Variants in CRYZL1 observed in about 807,000 individuals in gnomAD.
The protein encoded by CRYZL1 is crystallin zeta like 1.
In CRYZL1, 34 loss-of-function variants were observed where a neutral mutation model predicts 50.6. The ratio of observed to expected loss-of-function variants is 0.67; its 90% CI spans 0.51 to 0.89. The LOEUF (loss-of-function observed/expected upper bound fraction) is 0.89. Among genes scored for constraint, CRYZL1 ranks in the 40% least tolerant of loss-of-function variants. The pLI is 0.00. For synonymous variants in CRYZL1, 125 were observed against 134.3 expected, an observed-to-expected ratio of 0.93 and a Z score of 0.48; for missense variants, 354 against 402.3, an observed-to-expected ratio of 0.88 and a Z score of 1.03.
intron 5 of CRYZL1, among the ~76,000 whole-genome samples, chr21:33,614,859 T>C (rs1335685125): frequency 6.6e-6 from 1 of 151,944 alleles, no homozygotes; most frequent in Non-Finnish European, 1.5e-5. Flanking sequence ...TGTGAGCCAC[T>C]ACACCCAGCC....
At chr21:33,628,137 G>C (rs185020145) in intron 2 of CRYZL1, among the ~76,000 whole-genome samples, 87 of 152,260 alleles carry the variant, frequency 5.7e-4, no homozygotes, top group Non-Finnish European at 2.2e-4. Flanking sequence ...CAACATGTAA[G>C]ACTATTAAGT....
At chr21:33,608,193 G>A (rs899600938) in intron 6 of CRYZL1, among the ~76,000 whole-genome samples, 3 of 152,112 alleles carry the variant, frequency 2.0e-5, no homozygotes, top group Non-Finnish European at 4.4e-5. Context: ...GGTGGCTCAC[G>A]CCTATAATCC....
intron 2 of CRYZL1, among the ~76,000 whole-genome samples, chr21:33,625,139 T>A (rs1290503104): frequency 6.6e-6 from 1 of 151,956 alleles, no homozygotes; most frequent in Non-Finnish European, 1.5e-5. Context: ...CATATACACA[T>A]AACGTATAAC....
rs754205828 is a variant in CRYZL1 at position 33,613,616 on chromosome 21, A to G, written c.263-10T>C. On this transcript the variant is annotated splice_polypyrimidine_tract_variant and intron_variant, in intron 5 of 12. Transcript: ENST00000381554. ...TCCAGGGGCAAAATTCCTAAAAATC[A>G]AAACAAGAAATTAAAGGGATGTAAG... 4 of 1,602,546 alleles carry G rather than the reference A, an allele frequency of 2.5e-6. No individual in the cohort carries two copies. The African/African-American group carries it at 4.0e-5, about 16-fold the overall frequency.
intron 8 of CRYZL1, among the ~76,000 whole-genome samples, chr21:33,600,850 A>G (rs1397090792): frequency 1.4e-5 from 2 of 147,876 alleles, no homozygotes; most frequent in African/African-American, 5.0e-5. Flanking sequence ...TATGGTCTCC[A>G]TCTCTGGACC....
chr21:33,640,139 T>C, intron 1 of CRYZL1: 2 of 1,547,176 alleles, frequency 1.3e-6, no homozygotes, highest in Non-Finnish European at 8.7e-7. Flanking sequence ...ATGTGTATTT[T>C]TGCTCTTCTG....
chr21:33,595,797 C>A lies in CRYZL1; in HGVS notation c.838G>T (p.Ala280Ser). ...PDSHCLFLKG[A>S]TLAFLNDEVW... Reference sequence around the variant, plus strand: ...TCATCATTCAGGAAAGCTAACGTTGCTCCCTTGAGGAAAAGGCAGTGGCTA... The same window carrying A: ...TCATCATTCAGGAAAGCTAACGTTGATCCCTTGAGGAAAAGGCAGTGGCTA... The change falls in exon 11 of 13, where the codon GCA becomes TCA. Residue 280 changes from alanine to serine, a missense_variant. Ala to Ser is a moderately conservative substitution (Grantham distance 99). Transcript: ENST00000381554. 1 of 1,614,084 alleles carries A rather than the reference C, an allele frequency of 6.2e-7. No homozygotes were observed. Among genetic ancestry groups the A allele is most frequent in the Non-Finnish European group, 8.5e-7 (1 of 1,179,950 alleles).
chr21:33,617,439 G>A (rs2086946489), intron 4 of CRYZL1, among the ~76,000 whole-genome samples: 1 of 152,080 alleles, frequency 6.6e-6, no homozygotes, highest in South Asian at 2.1e-4. Flanking sequence ...TTTTGTTGCA[G>A]AATCTCATAC....
At chr21:33,616,507 G>T in intron 5 of CRYZL1, 199 bp downstream of exon 5, 1 of 939,862 alleles carries the variant, frequency 1.1e-6, no homozygotes, top group Non-Finnish European at 1.5e-6. Context: ...GGTCAGGCTG[G>T]TCTCGAACTC....
Position 33,591,215 on chromosome 21 carries a change from G to A in CRYZL1, c.905-8C>T. The A allele has an allele frequency of 1.9e-6, 3 of 1,607,962 alleles. No individual in the cohort carries two copies. The highest frequency in any genetic ancestry group is 2.6e-6 in the Non-Finnish European group (3 of 1,174,496). On this transcript the variant is annotated splice_polypyrimidine_tract_variant and splice_region_variant and intron_variant, in intron 11 of 12. Transcript: ENST00000381554. ...TCACATCCTTTAAGATACGTAGCTG[G>A]AAGGATTGTTAAGGTGGCAATGTAA...
chr21:33,633,445 A>C (rs2087164200), intron 1 of CRYZL1, among the ~76,000 whole-genome samples: 1 of 151,644 alleles, frequency 6.6e-6, no homozygotes, highest in Non-Finnish European at 1.5e-5. Flanking sequence ...TTTTTGCAAC[A>C]GAGTCTTGCT....
At chr21:33,595,310 G>T in intron 11 of CRYZL1, 1 of 1,074,460 alleles carries the variant, frequency 9.3e-7, no homozygotes, top group Non-Finnish European at 1.2e-6. Context: ...AAAGTATTCT[G>T]AAATGTTTCT....
In CRYZL1 at chr21:33,613,444, C is replaced by T. The variant is rs1025132961; in HGVS notation, c.331+94G>A. The T allele has an allele frequency of 3.5e-6, 3 of 857,536 alleles. No individual in the cohort carries two copies. In the Admixed American group the frequency reaches 6.5e-5, roughly 19 times the overall value. The allele number at this position is 857,536 out of a possible 1,614,324, so 53.1% of individuals were successfully genotyped here. On this transcript the variant is annotated intron_variant, in intron 6 of 12. Transcript: ENST00000381554. ...TAATGATACTTTATTAAGTACAACA[C>T]TTATGGTAGATTCAAAAAAATTAAA...
rs1601321763 is a variant in CRYZL1 at position 33,589,998 on chromosome 21, C to T, written c.951-77G>A. 8.9e-6 allele frequency: 7 copies of T among 786,732 alleles called. No homozygotes were observed. In the South Asian group the frequency reaches 1.2e-4, roughly 14 times the overall value. The allele number at this position is 786,732 out of a possible 1,614,324, so 48.7% of individuals were successfully genotyped here. A position where few individuals can be genotyped will look rare whatever the true frequency, so the allele number is the denominator to read the frequency against. On this transcript the variant is annotated intron_variant, in intron 12 of 12. Coordinates refer to ENST00000381554, the MANE Select transcript of CRYZL1 (RefSeq NM_145858.3). ...CAAACAGGGTGGTATATGACAAATG[C>T]TAGTGCTCAAATCTATTAGTGTATT...
At chr21:33,631,353 G>T (rs1207213312) in intron 2 of CRYZL1, 133 bp downstream of exon 2, 2 of 524,920 alleles carry the variant, frequency 3.8e-6, no homozygotes, top group Non-Finnish European at 6.4e-6. Context: ...TTAAAGGAAA[G>T]TACTGTAATT....
At chr21:33,641,382 G>A (rs1364265646) in intron 1 of CRYZL1, 2 of 1,479,166 alleles carry the variant, frequency 1.4e-6, no homozygotes, top group Non-Finnish European at 1.8e-6. Context: ...ACCCAACCTG[G>A]GAGATTAAGT....
chr21:33,636,122 T>C (rs1183841832), intron 1 of CRYZL1, among the ~76,000 whole-genome samples: 1 of 152,102 alleles, frequency 6.6e-6, no homozygotes, highest in East Asian at 1.9e-4. Context: ...TTGCCCAGAG[T>C]GGTGGCTCAC....
intron 5 of CRYZL1, among the ~76,000 whole-genome samples, chr21:33,614,432 T>A (rs1004026481): frequency 5.5e-4 from 84 of 152,124 alleles, no homozygotes; most frequent in African/African-American, 2.0e-3. Context: ...AGGGCTGCAA[T>A]GAGCCATGAT....
rs1348497119 is a variant in CRYZL1 at position 33,597,329 on chromosome 21, G to C, written c.749C>G (p.Thr250Arg). The C allele has an allele frequency of 5.0e-6, 8 of 1,611,820 alleles. No individual in the cohort carries two copies. Among genetic ancestry groups the C allele is most frequent in the Non-Finnish European group, 6.8e-6 (8 of 1,177,920 alleles). ...QLLPHKHDII[T>R]LLGVGGHWVT... ...CCAGTGGCCTCCAACACCAAGAAGT[G>C]TGATGATATCATGTTTATGTGGTAG... Residue 250 changes from threonine to arginine, a missense_variant, in exon 10 of 13, where the codon ACA becomes AGA. By Grantham distance (71) the Thr-to-Arg change is moderately conservative (BLOSUM62 -1). Coordinates refer to ENST00000381554, the MANE Select transcript of CRYZL1 (RefSeq NM_145858.3).
Sources: allele counts gnomAD v4.1 joint callset (sites outside exome capture counted in the v4.1 genomes callset), GRCh38; gene constraint gnomAD v4.1.1; transcripts MANE v1.5; gene names NCBI Gene and HGNC (gene_info 2026-07-23, HGNC 2026-07-21).